Variants in CSMD1 observed in about 807,000 individuals in gnomAD.
CSMD1 encodes CUB and Sushi multiple domains 1, also known as CUB and sushi domain-containing protein 1.
A neutral mutation model predicts 417.5 loss-of-function variants in CSMD1; 213 were observed. That is an observed-to-expected ratio of 0.51 (90% CI 0.46 to 0.57). CSMD1 has a LOEUF of 0.57. CSMD1 is among the 20% of genes least tolerant of loss of function. CSMD1 has a pLI of 0.00. For missense variants in CSMD1, 6,923 were observed against 4,529.7 expected, an observed-to-expected ratio of 1.53 and a Z score of -15.17; for synonymous variants, 2,862 against 1,736.8, an observed-to-expected ratio of 1.65 and a Z score of -16.11.
chr8:3,070,986 C>G (rs775401614), intron 49 of CSMD1, among the ~76,000 whole-genome samples: 1 of 152,160 alleles, frequency 6.6e-6, no homozygotes. Flanking sequence ...CTGGGGAGAC[C>G]TGAGGGAGAT....
chr8:4,604,517 T>C (rs1470073429), intron 2 of CSMD1, among the ~76,000 whole-genome samples: 3 of 152,104 alleles, frequency 2.0e-5, no homozygotes, highest in African/African-American at 7.2e-5. Context: ...GACTTGATTA[T>C]GATCAAAATA....
At chr8:4,726,777 C>T (rs1338285910) in intron 1 of CSMD1, among the ~76,000 whole-genome samples, 1 of 152,136 alleles carries the variant, frequency 6.6e-6, no homozygotes, top group Non-Finnish European at 1.5e-5. Flanking sequence ...TATGTTCTGG[C>T]TTGTATTAAA....
chr8:4,601,656 C>T (rs566195279), intron 2 of CSMD1, among the ~76,000 whole-genome samples: 2 of 152,140 alleles, frequency 1.3e-5, no homozygotes, highest in African/African-American at 4.8e-5. Context: ...CTCATTTTTG[C>T]AATTATTTCT....
chr8:3,360,754 T>C (rs187030369), intron 20 of CSMD1, among the ~76,000 whole-genome samples: 1 of 152,352 alleles, frequency 6.6e-6, no homozygotes, highest in East Asian at 1.9e-4. Context: ...ACACCATCTT[T>C]AGGGTTCCCC....
intron 12 of CSMD1, among the ~76,000 whole-genome samples, chr8:3,446,567 A>T (rs1815321202): frequency 6.6e-6 from 1 of 152,214 alleles, no homozygotes; most frequent in African/African-American, 2.4e-5. Flanking sequence ...GATAAACCAC[A>T]GCTTCCTCTC....
intron 5 of CSMD1, among the ~76,000 whole-genome samples, chr8:3,775,556 C>A (rs1027554405): frequency 6.6e-6 from 1 of 152,112 alleles, no homozygotes; most frequent in Non-Finnish European, 1.5e-5. Context: ...TACAAGAGCG[C>A]AACTTCAAAT....
At chr8:4,967,420 A>G (rs1585426006) in intron 1 of CSMD1, among the ~76,000 whole-genome samples, 1 of 152,188 alleles carries the variant, frequency 6.6e-6, no homozygotes, top group African/African-American at 2.4e-5. Context: ...AAATAACTAC[A>G]TTAGTAAGCA....
intron 1 of CSMD1, among the ~76,000 whole-genome samples, chr8:4,941,715 C>T (rs765778487): frequency 6.6e-6 from 1 of 152,136 alleles, no homozygotes. Flanking sequence ...TCTCTCGCCT[C>T]AACCTCCTGA....
intron 1 of CSMD1, among the ~76,000 whole-genome samples, chr8:4,860,255 C>G (rs1472623524): frequency 1.1e-5 from 1 of 89,990 alleles, no homozygotes; most frequent in Non-Finnish European, 2.0e-5. Flanking sequence ...ACTCAGGGGA[C>G]TGTTGTGGGG....
At chr8:4,224,511 G>A (rs1401781634) in intron 3 of CSMD1, among the ~76,000 whole-genome samples, 1 of 152,122 alleles carries the variant, frequency 6.6e-6, no homozygotes, top group East Asian at 1.9e-4. Context: ...TCTACTAAAT[G>A]CCCTCTTCGC....
At chr8:4,905,143 T>A (rs368660731) in intron 1 of CSMD1, among the ~76,000 whole-genome samples, 1 of 152,092 alleles carries the variant, frequency 6.6e-6, no homozygotes, top group Non-Finnish European at 1.5e-5. Context: ...TCATAAGGAA[T>A]GAAATCCTGG....
At chr8:4,311,722 CAAAA>C (rs35480252) in intron 3 of CSMD1, among the ~76,000 whole-genome samples, 4 of 110,306 alleles carry the variant, frequency 3.6e-5, no homozygotes, top group Non-Finnish European at 5.5e-5. Flanking sequence ...GACTCAGTCT[CAAAA>C]AAAAAAAAAA....
chr8:4,240,662 A>C (rs962692824), intron 3 of CSMD1, among the ~76,000 whole-genome samples: 1 of 152,090 alleles, frequency 6.6e-6, no homozygotes, highest in Non-Finnish European at 1.5e-5. Context: ...CTCCCCTTAT[A>C]CACTCCTGGC....
At chr8:2,969,024 T>C (rs1284464663) in intron 57 of CSMD1, among the ~76,000 whole-genome samples, 1 of 152,164 alleles carries the variant, frequency 6.6e-6, no homozygotes, top group Non-Finnish European at 1.5e-5. Flanking sequence ...AAATTGCTGT[T>C]AAATTGAGTT....
chr8:3,398,255 A>G (rs904023042), intron 16 of CSMD1, among the ~76,000 whole-genome samples: 20 of 152,192 alleles, frequency 1.3e-4, no homozygotes, highest in Non-Finnish European at 1.9e-4. Context: ...TTAGTAAGAA[A>G]CCCAACGTAA....
intron 3 of CSMD1, among the ~76,000 whole-genome samples, chr8:4,201,776 GT>G (rs1799661093): frequency 6.6e-6 from 1 of 151,042 alleles, no homozygotes; most frequent in South Asian, 2.1e-4. Flanking sequence ...ATGAAGGGAG[GT>G]TTATGTACCT....
intron 11 of CSMD1, among the ~76,000 whole-genome samples, chr8:3,485,715 G>C (rs568500938): frequency 3.1e-4 from 47 of 150,656 alleles, no homozygotes; most frequent in African/African-American, 1.1e-3. Flanking sequence ...AGTTGAGATT[G>C]TGCCACTGCA....
chr8:3,219,050 C>T (rs769972530), intron 29 of CSMD1, among the ~76,000 whole-genome samples: 43 of 152,058 alleles, frequency 2.8e-4, no homozygotes, highest in Non-Finnish European at 1.3e-4. Context: ...TTTTTCCCCT[C>T]TCTTTCTTCC....
At position 3,098,020 on chromosome 8, in the gene CSMD1, G is replaced by A. The variant is rs116358816; in HGVS notation, c.6950-983C>T. ...AGTTTAATCAACATAAAAACAATCTGCAGAGATCTGGACATGCAAAGCAAA... is the reference window on the plus strand; with the variant it reads ...AGTTTAATCAACATAAAAACAATCTACAGAGATCTGGACATGCAAAGCAAA... On this transcript the variant is annotated intron_variant, in intron 46 of 69. Transcript: ENST00000635120. Among the ~76,000 whole-genome samples the A allele has an allele frequency of 9.5e-3, 1,448 of 152,246 alleles. 20 individuals are homozygous for A. Among genetic ancestry groups the A allele is most frequent in the African/African-American group, 0.031 (1,281 of 41,540 alleles).
Sources: allele counts gnomAD v4.1 joint callset (sites outside exome capture counted in the v4.1 genomes callset), GRCh38; gene constraint gnomAD v4.1.1; transcripts MANE v1.5; gene names NCBI Gene and HGNC (gene_info 2026-07-23, HGNC 2026-07-21).